Variants in NSMCE2 observed in about 807,000 individuals in gnomAD.
The protein encoded by NSMCE2 is NSE2 SUMO ligase component of SMC5/6 complex, also known as E3 SUMO-protein ligase NSE2.
In NSMCE2, 24 loss-of-function variants were observed where a neutral mutation model predicts 23.8. The observed-to-expected ratio is 1.01, with a 90% CI of 0.73 to 1.42. The LOEUF (loss-of-function observed/expected upper bound fraction) is 1.42. NSMCE2 is among the 40% of genes most tolerant of loss of function. The pLI, the probability that NSMCE2 is intolerant of heterozygous loss-of-function variation, is 0.00. For synonymous variants in NSMCE2, 92 were observed against 94.1 expected, an observed-to-expected ratio of 0.98 and a Z score of 0.13; for missense variants, 284 against 296.5, an observed-to-expected ratio of 0.96 and a Z score of 0.31.
chr8:125,267,368 G>A (rs1826968412), intron 5 of NSMCE2, among the ~76,000 whole-genome samples: 3 of 152,188 alleles, frequency 2.0e-5, no homozygotes, highest in African/African-American at 7.2e-5. Flanking sequence ...ACAAATATGT[G>A]TAAAGGCTTT....
chr8:125,200,065 GTC>G (rs1303120941), intron 5 of NSMCE2, among the ~76,000 whole-genome samples: 14 of 152,144 alleles, frequency 9.2e-5, no homozygotes, highest in African/African-American at 2.7e-4. Context: ...GCCTATGTGT[GTC>G]TCTGCACATG....
chr8:125,365,064 C>G (rs1197845465), intron 7 of NSMCE2, among the ~76,000 whole-genome samples: 1 of 152,114 alleles, frequency 6.6e-6, no homozygotes, highest in Non-Finnish European at 1.5e-5. Flanking sequence ...TTGTTTCCAC[C>G]CCTTTGTGGG....
intron 5 of NSMCE2, among the ~76,000 whole-genome samples, chr8:125,350,835 G>A (rs1240710844): frequency 1.3e-5 from 2 of 152,172 alleles, no homozygotes; most frequent in African/African-American, 4.8e-5. Flanking sequence ...ACCATATTAG[G>A]TTGTCAGGGA....
chr8:125,266,829 C>T (rs930231845), intron 5 of NSMCE2, among the ~76,000 whole-genome samples: 2 of 151,972 alleles, frequency 1.3e-5, no homozygotes, highest in Non-Finnish European at 2.9e-5. Flanking sequence ...GAAACTTAGA[C>T]CTTCAAATTG....
chr8:125,198,855 C>CA (rs1823742642), intron 5 of NSMCE2, among the ~76,000 whole-genome samples: 2 of 152,156 alleles, frequency 1.3e-5, no homozygotes, highest in African/African-American at 2.4e-5. Flanking sequence ...GTTACTGCCT[C>CA]AATTTCAGAC....
At chr8:125,121,133 G>T (rs1324039228) in intron 3 of NSMCE2, among the ~76,000 whole-genome samples, 1 of 152,182 alleles carries the variant, frequency 6.6e-6, no homozygotes, top group Non-Finnish European at 1.5e-5. Flanking sequence ...CTGAATAAGT[G>T]AGGAGAAAGA....
Position 125,357,775 on chromosome 8 carries a change from G to T in NSMCE2, c.583G>T (p.Val195Phe). ...CGHTYEEDAIVRMIESRQKRK... is the reference protein window; with the variant it reads ...CGHTYEEDAIFRMIESRQKRK... ...CCACACCTATGAAGAGGACGCCATT[G>T]TTCGCATGATTGAGTCCAGGCAAAA... Residue 195 changes from valine to phenylalanine, a missense_variant, in exon 7 of 8, where the codon GTT becomes TTT. Around this residue, in one of 2 missense-constraint regions of NSMCE2, gnomAD observed 102 missense variants for 141.0 expected, o/e 0.72. Transcript: ENST00000287437. 1 of 1,614,180 alleles carries T rather than the reference G, an allele frequency of 6.2e-7. No individual in the cohort carries two copies. The highest frequency in any genetic ancestry group is 8.5e-7 in the Non-Finnish European group (1 of 1,180,002).
intron 4 of NSMCE2, among the ~76,000 whole-genome samples, chr8:125,164,285 A>G (rs1222870170): frequency 6.6e-6 from 1 of 152,196 alleles, no homozygotes; most frequent in African/African-American, 2.4e-5. Context: ...TGCGCAGATC[A>G]CTTGGTTAGT....
At chr8:125,354,211 C>T (rs557273122) in intron 5 of NSMCE2, among the ~76,000 whole-genome samples, 58 of 152,166 alleles carry the variant, frequency 3.8e-4, no homozygotes, top group African/African-American at 1.1e-3. Context: ...GGATTACAGG[C>T]GTGAGCCACC....
intron 5 of NSMCE2, among the ~76,000 whole-genome samples, chr8:125,330,235 G>C (rs1055560909): frequency 1.4e-5 from 2 of 140,630 alleles, no homozygotes; most frequent in African/African-American, 5.2e-5. Context: ...GGAGTGCGAT[G>C]GGACGATCTA....
intron 3 of NSMCE2, among the ~76,000 whole-genome samples, chr8:125,132,633 A>G (rs556705511): frequency 6.6e-6 from 1 of 152,204 alleles, no homozygotes; most frequent in African/African-American, 2.4e-5. Flanking sequence ...AGCTGGGACT[A>G]CAGATACACG....
intron 5 of NSMCE2, among the ~76,000 whole-genome samples, chr8:125,309,555 C>T (rs1024699452): frequency 2.0e-5 from 3 of 151,990 alleles, no homozygotes; most frequent in African/African-American, 7.3e-5. Context: ...AGACCCCTGT[C>T]TCTACTAAAA....
intron 5 of NSMCE2, among the ~76,000 whole-genome samples, chr8:125,320,184 AAGAG>A (rs200502032): frequency 0.031 from 4,391 of 142,068 alleles, 148 homozygotes; most frequent in South Asian, 0.14. Flanking sequence ...TCAAAAAAAA[AAGAG>A]AGAGAGAGAG....
chr8:125,161,810 G>A (rs1324678618), intron 4 of NSMCE2, among the ~76,000 whole-genome samples: 4 of 148,246 alleles, frequency 2.7e-5, no homozygotes, highest in African/African-American at 1.0e-4. Context: ...AAAAAAAATC[G>A]GAAACGGTAA....
intron 4 of NSMCE2, among the ~76,000 whole-genome samples, chr8:125,165,135 T>G (rs1054631698): frequency 3.3e-5 from 5 of 152,198 alleles, no homozygotes; most frequent in African/African-American, 9.6e-5. Flanking sequence ...GGTTAGTGAC[T>G]TGTCTTCATA....
intron 5 of NSMCE2, among the ~76,000 whole-genome samples, chr8:125,279,721 A>G (rs1381617563): frequency 6.6e-6 from 1 of 152,230 alleles, no homozygotes; most frequent in African/African-American, 2.4e-5. Flanking sequence ...ATTATTAGGA[A>G]ATAAGCATCC....
chr8:125,332,786 AT>A (rs1421144690), intron 5 of NSMCE2, among the ~76,000 whole-genome samples: 6 of 152,172 alleles, frequency 3.9e-5, no homozygotes, highest in Non-Finnish European at 8.8e-5. Context: ...TTTAGCTTAG[AT>A]TTCTGTCAAA....
intron 4 of NSMCE2, among the ~76,000 whole-genome samples, chr8:125,163,383 C>G (rs1407256595): frequency 2.0e-5 from 3 of 152,304 alleles, no homozygotes; most frequent in African/African-American, 7.2e-5. Flanking sequence ...TTACTTCCCT[C>G]TTCCCATTTT....
chr8:125,132,216 G>T (rs964540225), intron 3 of NSMCE2, among the ~76,000 whole-genome samples: 4 of 151,758 alleles, frequency 2.6e-5, no homozygotes, highest in Non-Finnish European at 5.9e-5. Context: ...TTCCACCTCA[G>T]CTTCCTGAGT....
Sources: allele counts gnomAD v4.1 joint callset (sites outside exome capture counted in the v4.1 genomes callset), GRCh38; gene constraint gnomAD v4.1.1; regional missense constraint gnomAD v4.1.1; transcripts MANE v1.5; gene names NCBI Gene and HGNC (gene_info 2026-07-23, HGNC 2026-07-21).